The following ROBO1 variants were observed in gnomAD, a reference collection of about 807,000 sequenced individuals.
The protein encoded by ROBO1 is roundabout homolog 1.
In ROBO1, 149 loss-of-function variants were observed where a neutral mutation model predicts 195.9. The observed-to-expected ratio is 0.76, with a 90% CI of 0.67 to 0.87. ROBO1 has a LOEUF of 0.87. Among genes scored for constraint, ROBO1 ranks in the 40% least tolerant of loss-of-function variants. ROBO1 has a pLI of 0.00. For synonymous variants in ROBO1, 816 were observed against 733.2 expected (o/e 1.11, Z -1.82); for missense variants, 1,933 against 2,068.3 (o/e 0.93, Z 1.27).
chr3:79,518,081 A>G (rs906221142), intron 2 of ROBO1, among the ~76,000 whole-genome samples: 9 of 152,184 alleles, frequency 5.9e-5, no homozygotes, highest in Admixed American at 4.6e-4. Context: ...TAATTTACCT[A>G]CAATGATTAG....
At chr3:79,688,666 C>T (rs1300392500) in intron 1 of ROBO1, among the ~76,000 whole-genome samples, 1 of 151,930 alleles carries the variant, frequency 6.6e-6, no homozygotes, top group Non-Finnish European at 1.5e-5. Flanking sequence ...CTCTATTTTA[C>T]AATTTATAAG....
chr3:79,513,279 G>C (rs1940798426), intron 2 of ROBO1, among the ~76,000 whole-genome samples: 2 of 151,970 alleles, frequency 1.3e-5, no homozygotes, highest in South Asian at 4.1e-4. Flanking sequence ...ACTAGTAGAT[G>C]ACTTAAAATA....
chr3:79,390,253 T>C (rs898765227), intron 2 of ROBO1, among the ~76,000 whole-genome samples: 3 of 151,900 alleles, frequency 2.0e-5, no homozygotes, highest in African/African-American at 7.3e-5. Flanking sequence ...TATTTTATAT[T>C]CCACTGAGAT....
chr3:79,339,553 T>C (rs2034823323), intron 2 of ROBO1, among the ~76,000 whole-genome samples: 1 of 152,194 alleles, frequency 6.6e-6, no homozygotes, highest in African/African-American at 2.4e-5. Context: ...TCATCCCTAG[T>C]TAGCCTGTGT....
At chr3:78,870,557 C>T (rs1559945476) in intron 4 of ROBO1, among the ~76,000 whole-genome samples, 1 of 152,088 alleles carries the variant, frequency 6.6e-6, no homozygotes, top group African/African-American at 2.4e-5. Flanking sequence ...CTCAAAAGGA[C>T]AGAAATTGGT....
chr3:79,233,668 A>C (rs1269602097), intron 2 of ROBO1, among the ~76,000 whole-genome samples: 1 of 151,848 alleles, frequency 6.6e-6, no homozygotes, highest in Non-Finnish European at 1.5e-5. Context: ...AGTCACATCC[A>C]CTCACCCGCA....
At chr3:78,938,514 C>G in intron 4 of ROBO1, 87 bp downstream of exon 4, 1 of 1,169,616 alleles carries the variant, frequency 8.5e-7, no homozygotes, top group Non-Finnish European at 1.2e-6. Flanking sequence ...GCCTGAGATA[C>G]AAATTCGACT....
At chr3:79,753,930 C>G (rs1251920604) in intron 1 of ROBO1, among the ~76,000 whole-genome samples, 1 of 152,098 alleles carries the variant, frequency 6.6e-6, no homozygotes, top group East Asian at 1.9e-4. Flanking sequence ...TAAACATGAT[C>G]AGATTAGAGC....
chr3:78,757,360 T>C lies in ROBO1; in HGVS notation c.500-10460A>G, dbSNP rs114226268. The stretch of plus-strand genomic sequence containing the variant: ...TTATTTTCATAAAGACACACATATC[T>C]TTTAAGTGCCTGAAAAAGACTAGAG... On this transcript the variant is annotated intron_variant, in intron 4 of 30. Coordinates refer to ENST00000464233, the MANE Select transcript of ROBO1 (RefSeq NM_002941.4). Among the ~76,000 whole-genome samples the C allele has an allele frequency of 4.8e-3, 734 of 152,236 alleles. 5 individuals carry two copies. Among genetic ancestry groups the C allele is most frequent in the African/African-American group, 0.017 (704 of 41,522 alleles).
intron 2 of ROBO1, among the ~76,000 whole-genome samples, chr3:79,235,385 C>T (rs1028969782): frequency 6.6e-6 from 1 of 151,782 alleles, no homozygotes. Flanking sequence ...TAGTAAGGGG[C>T]GCTGTGTAGA....
intron 4 of ROBO1, among the ~76,000 whole-genome samples, chr3:78,905,911 T>C (rs1291908748): frequency 6.6e-6 from 1 of 152,128 alleles, no homozygotes; most frequent in Non-Finnish European, 1.5e-5. Flanking sequence ...TACGTCTGAC[T>C]TTAAAGCCAG....
chr3:79,379,411 C>T (rs1486838804), intron 2 of ROBO1, among the ~76,000 whole-genome samples: 1 of 152,078 alleles, frequency 6.6e-6, no homozygotes, highest in Non-Finnish European at 1.5e-5. Context: ...TTGGTGTGAT[C>T]CCTCTTGCTC....
At chr3:78,819,236 G>A (rs1219258082) in intron 4 of ROBO1, among the ~76,000 whole-genome samples, 1 of 151,880 alleles carries the variant, frequency 6.6e-6, no homozygotes, top group Non-Finnish European at 1.5e-5. Context: ...ATGCACATAC[G>A]ATTCTAATTT....
chr3:79,329,946 A>G (rs1241506361), intron 2 of ROBO1, among the ~76,000 whole-genome samples: 1 of 152,148 alleles, frequency 6.6e-6, no homozygotes, highest in Admixed American at 6.5e-5. Flanking sequence ...CTGGACCAGT[A>G]AACTCCAGAT....
chr3:79,203,037 C>T (rs530809574), intron 2 of ROBO1, among the ~76,000 whole-genome samples: 150 of 152,242 alleles, frequency 9.9e-4, no homozygotes, highest in African/African-American at 2.7e-3. Flanking sequence ...AAAATATCTA[C>T]CTACCTCCTA....
intron 2 of ROBO1, among the ~76,000 whole-genome samples, chr3:79,543,262 G>T (rs1044163232): frequency 1.3e-5 from 2 of 152,028 alleles, no homozygotes; most frequent in Admixed American, 6.6e-5. Flanking sequence ...ATTGTAAAGG[G>T]TAAGATTCCA....
chr3:79,247,698 T>G (rs2082649887), intron 2 of ROBO1, among the ~76,000 whole-genome samples: 1 of 152,102 alleles, frequency 6.6e-6, no homozygotes, highest in Admixed American at 6.6e-5. Context: ...TTTAATACTT[T>G]GTGCTACAAC....
In ROBO1 at chr3:78,617,057, C is replaced by T. The variant is rs3773198; in HGVS notation, c.4282+578G>A. 2.7e-4 allele frequency among the ~76,000 whole-genome samples: 41 copies of T among 152,180 alleles called. 1 individual carries two copies. In the East Asian group the frequency reaches 7.7e-3, roughly 29 times the overall value. On this transcript the variant is annotated intron_variant, in intron 27 of 30. Transcript: ENST00000464233. The stretch of plus-strand genomic sequence containing the variant: ...ACGTTTATGCTTGAAAATGTATGCA[C>T]ATTACATATACCGTCATATCTTCCC...
rs146633943 is a variant in ROBO1 at position 78,819,526 on chromosome 3, C to G, written c.500-72626G>C. Among the ~76,000 whole-genome samples, 8 of 149,984 alleles carry G rather than the reference C, an allele frequency of 5.3e-5. No individual in the cohort carries two copies. The South Asian group carries it at 8.4e-4, about 16-fold the overall frequency. ...TCCTAATACTTTTTAGTGAAAAGAT[C>G]ATCTTTTTTTCTAAACCTGTAATAT... On this transcript the variant is annotated intron_variant, in intron 4 of 30. Transcript: ENST00000464233.
Sources: allele counts gnomAD v4.1 joint callset (sites outside exome capture counted in the v4.1 genomes callset), GRCh38; gene constraint gnomAD v4.1.1; transcripts MANE v1.5; gene names NCBI Gene and HGNC (gene_info 2026-07-23, HGNC 2026-07-21).